OSBPL8: variants seen among roughly 807,000 people sequenced by gnomAD.
OSBPL8 encodes oxysterol-binding protein-related protein 8.
A neutral mutation model predicts 125.5 loss-of-function variants in OSBPL8; 59 were observed. The observed-to-expected ratio is 0.47, with a 90% confidence interval of 0.38 to 0.58. The LOEUF (loss-of-function observed/expected upper bound fraction) is 0.58. Ranked by LOEUF, OSBPL8 falls within the 20% of genes least tolerant of loss-of-function variation. The probability of loss-of-function intolerance (pLI) is 0.00; values close to 1 mark genes in which losing one functional copy is unlikely to be tolerated. For missense variants in OSBPL8, 758 were observed against 1,047.8 expected, an observed-to-expected ratio of 0.72 and a Z score of 3.82; for synonymous variants, 330 against 338.9, an observed-to-expected ratio of 0.97 and a Z score of 0.29.
In OSBPL8 at chr12:76,386,271, T is replaced by TAA. The variant is rs72247585; in HGVS notation, c.1435-7_1435-6dup. 8.6e-3 allele frequency: 12,541 copies of TAA among 1,459,868 alleles called. 2 individuals are homozygous for TAA. Among genetic ancestry groups the TAA allele is most frequent in the Middle Eastern group, 0.024 (111 of 4,686 alleles). 90.4% of individuals were successfully genotyped at this position (1,459,868 alleles called of 1,614,324 possible). A position where few individuals can be genotyped will look rare whatever the true frequency, so the allele number is the denominator to read the frequency against. Reference sequence around the variant, plus strand: ...ATTATAAGGTTTCTTCAGTCCCTGGTAAAAAAAAAAAAAAGCAATTTCAAA... The same window carrying TAA: ...ATTATAAGGTTTCTTCAGTCCCTGGTAAAAAAAAAAAAAAAAGCAATTTCAAA... On this transcript the variant is annotated splice_region_variant and splice_polypyrimidine_tract_variant and intron_variant, in intron 13 of 23. Transcript: ENST00000261183.
intron 1 of OSBPL8, among the ~76,000 whole-genome samples, chr12:76,515,603 T>C (rs552084820): frequency 6.6e-6 from 1 of 152,282 alleles, no homozygotes; most frequent in African/African-American, 2.4e-5. Context: ...TGAGTGCTGG[T>C]TGTAGATTGC....
intron 1 of OSBPL8, among the ~76,000 whole-genome samples, chr12:76,551,688 A>G (rs1424893235): frequency 6.6e-6 from 1 of 152,158 alleles, no homozygotes; most frequent in African/African-American, 2.4e-5. Context: ...GCCCTCACAG[A>G]GTCACAATGG....
At position 76,385,353 on chromosome 12, in the gene OSBPL8, T is replaced by A. The variant is rs138800297; in HGVS notation, c.1533+815A>T. Among the ~76,000 whole-genome samples, 538 of 152,188 alleles carry A rather than the reference T, an allele frequency of 3.5e-3. 3 individuals are homozygous for A. Among genetic ancestry groups the A allele is most frequent in the African/African-American group, 0.012 (514 of 41,532 alleles). On this transcript the variant is annotated intron_variant, in intron 14 of 23. Coordinates refer to ENST00000261183, the MANE Select transcript of OSBPL8 (RefSeq NM_020841.5). ...CCTCAAGTTTATGCAGACAGAAGAC[T>A]GAAAATCATGATTATGGATGTATAT...
chr12:76,530,823 A>C (rs1950318501), intron 1 of OSBPL8, among the ~76,000 whole-genome samples: 1 of 152,216 alleles, frequency 6.6e-6, no homozygotes, highest in Non-Finnish European at 1.5e-5. Flanking sequence ...CAATAAAGGC[A>C]TGAAGGCTTA....
chr12:76,413,899 A>G (rs1868337574), intron 4 of OSBPL8, among the ~76,000 whole-genome samples: 1 of 152,096 alleles, frequency 6.6e-6, no homozygotes, highest in South Asian at 2.1e-4. Flanking sequence ...TTTACAGGCT[A>G]TGTGGTTTCT....
At chr12:76,503,173 T>C (rs887265716) in intron 1 of OSBPL8, among the ~76,000 whole-genome samples, 1 of 152,240 alleles carries the variant, frequency 6.6e-6, no homozygotes, top group Non-Finnish European at 1.5e-5. Context: ...GTTGCCATAA[T>C]AAAATACGAC....
At chr12:76,487,402 A>T in intron 2 of OSBPL8, 108 bp downstream of exon 2, 1 of 805,396 alleles carries the variant, frequency 1.2e-6, no homozygotes, top group Non-Finnish European at 1.9e-6. Flanking sequence ...TTTTAAAAAT[A>T]CTTTTTAAAA....
intron 1 of OSBPL8, among the ~76,000 whole-genome samples, chr12:76,509,223 G>A (rs1048208994): frequency 6.6e-6 from 1 of 152,094 alleles, no homozygotes; most frequent in Non-Finnish European, 1.5e-5. Flanking sequence ...GGACCAATGG[G>A]CTATAGCATA....
At chr12:76,531,537 G>T (rs924818342) in intron 1 of OSBPL8, among the ~76,000 whole-genome samples, 9 of 152,178 alleles carry the variant, frequency 5.9e-5, no homozygotes, top group African/African-American at 2.2e-4. Context: ...ATATTAATAA[G>T]ATGTATCAAA....
intron 4 of OSBPL8, among the ~76,000 whole-genome samples, chr12:76,438,910 T>C (rs758011958): frequency 6.6e-6 from 1 of 152,228 alleles, no homozygotes; most frequent in Non-Finnish European, 1.5e-5. Flanking sequence ...AAATGTCTTA[T>C]AATTTTTTTC....
At chr12:76,397,311 C>G (rs1165302334) in intron 8 of OSBPL8, among the ~76,000 whole-genome samples, 3 of 110,174 alleles carry the variant, frequency 2.7e-5, no homozygotes, top group Non-Finnish European at 5.0e-5. Flanking sequence ...ATCCTACTTA[C>G]CATTTTGACA....
At chr12:76,367,469 C>G (rs1258042706) in intron 21 of OSBPL8, among the ~76,000 whole-genome samples, 1 of 152,048 alleles carries the variant, frequency 6.6e-6, no homozygotes, top group Non-Finnish European at 1.5e-5. Flanking sequence ...TAAAGTGAAT[C>G]TCTTGTACAC....
chr12:76,444,791 A>G (rs185105811), intron 4 of OSBPL8, among the ~76,000 whole-genome samples: 5 of 152,282 alleles, frequency 3.3e-5, no homozygotes, highest in South Asian at 2.1e-4. Flanking sequence ...AGTGAAATCT[A>G]TATCTAAGCA....
chr12:76,394,950 T>G (rs888152885), intron 8 of OSBPL8, among the ~76,000 whole-genome samples: 1 of 152,124 alleles, frequency 6.6e-6, no homozygotes. Context: ...ACAAATGAAT[T>G]ATCACTTAAA....
chr12:76,398,510 T>C (rs999539611), intron 7 of OSBPL8, among the ~76,000 whole-genome samples: 17 of 152,196 alleles, frequency 1.1e-4, no homozygotes, highest in African/African-American at 4.1e-4. Flanking sequence ...ATGTTCTTCA[T>C]CCTAGGGTTT....
At chr12:76,408,143 TAAAAAAAAAAA>T (rs376221340) in intron 5 of OSBPL8, among the ~76,000 whole-genome samples, 2 of 92,030 alleles carry the variant, frequency 2.2e-5, no homozygotes, top group South Asian at 3.7e-4. Flanking sequence ...CCTCATCTCT[TAAAAAAAAAAA>T]AAAAAAAAAA....
chr12:76,452,101 G>C (rs932495637), intron 3 of OSBPL8, among the ~76,000 whole-genome samples: 1 of 151,758 alleles, frequency 6.6e-6, no homozygotes, highest in African/African-American at 2.4e-5. Flanking sequence ...TGGGCAACAA[G>C]AGCGAAACTC....
chr12:76,486,692 A>G (rs1421390842), intron 2 of OSBPL8, among the ~76,000 whole-genome samples: 3 of 152,204 alleles, frequency 2.0e-5, no homozygotes, highest in Admixed American at 1.3e-4. Flanking sequence ...TCAGAATTCA[A>G]TTATGATCAC....
At chr12:76,392,397 G>GAAAT (rs140092498) in intron 10 of OSBPL8, among the ~76,000 whole-genome samples, 184 bp downstream of exon 10, 5,003 of 152,174 alleles carry the variant, frequency 0.033, 243 homozygotes, top group African/African-American at 0.11. Flanking sequence ...TGGAATCAAG[G>GAAAT]AAATACATTT....
Sources: gnomAD v4.1 joint callset for allele counts (sites outside exome capture counted in the v4.1 genomes callset) on GRCh38, gnomAD v4.1.1 for gene constraint, MANE v1.5 for transcripts, NCBI Gene and HGNC (gene_info 2026-07-23, HGNC 2026-07-21) for gene names.